The following TAPBPL variants were observed in gnomAD, a reference collection of about 807,000 sequenced individuals.
TAPBPL encodes the protein TAP binding protein like.
A neutral mutation model predicts 44.8 loss-of-function variants in TAPBPL; 32 were observed. The ratio of observed to expected loss-of-function variants is 0.71; its 90% CI spans 0.54 to 0.96. The LOEUF is 0.96. TAPBPL is among the 40% of genes least tolerant of loss of function. The pLI is 0.00. For synonymous variants in TAPBPL, 230 were observed against 240.7 expected (o/e 0.96, Z 0.41); for missense variants, 520 against 586.6 (o/e 0.89, Z 1.17).
chr12:6,471,064 T>G (rs1945764510), downstream of TAPBPL: 2 of 156,912 alleles, frequency 1.3e-5, no homozygotes, highest in South Asian at 3.2e-4. The surrounding 1 kb of genome is among the most constrained non-coding windows in gnomAD (Gnocchi z 4.0). Context: ...ACTCGCGCAT[T>G]CAGCTGGAGG....
Position 6,458,776 on chromosome 12 carries a change from CAA to C in TAPBPL, c.1037_1038del (p.Gln346ArgfsTer95), listed in dbSNP as rs762833284. On this transcript the variant is annotated frameshift_variant, in exon 5 of 7. Transcript: ENST00000266556. LOFTEE classifies it high-confidence loss of function. ...AGAGGAGCTGGGTGGATCCCCAGCC[CAA>C]GTCTCTGGTGCCTCCTTCTCCAGCC... The part of the protein sequence containing the change: ...TREELGGSPA[Q>X]VSGASFSSLR... 6.2e-7 allele frequency: 1 copy of C among 1,614,028 alleles called. No homozygotes were observed. The highest frequency in any genetic ancestry group is 1.3e-5 in the African/African-American group (1 of 74,914).
At chr12:6,467,213 GAA>G (rs1950044240), downstream of TAPBPL, 1 of 161,136 alleles carries the variant, frequency 6.2e-6, no homozygotes, top group Non-Finnish European at 1.3e-5. Flanking sequence ...GGGTGTTGCT[GAA>G]AAGATACCCA....
At chr12:6,457,211 G>C (rs191773191) in intron 3 of TAPBPL, among the ~76,000 whole-genome samples, 195 bp from the exon 4 acceptor site, 1 of 152,312 alleles carries the variant, frequency 6.6e-6, no homozygotes, top group African/African-American at 2.4e-5. Context: ...CCAAAATGGT[G>C]ATGGCCATCA....
intron 5 of TAPBPL, among the ~76,000 whole-genome samples, chr12:6,459,922 C>T (rs1282440182): frequency 1.3e-5 from 2 of 151,910 alleles, no homozygotes; most frequent in African/African-American, 2.4e-5. Flanking sequence ...AGGCGCGCAC[C>T]ACCACGCCTG....
chr12:6,465,916 A>G, downstream of TAPBPL: 1 of 1,614,254 alleles, frequency 6.2e-7, no homozygotes, highest in Non-Finnish European at 8.5e-7. Flanking sequence ...CCTGCCTGCA[A>G]GGCATCAGCT....
downstream of TAPBPL, chr12:6,465,416 A>ATACATATATATAAATGTATATATATG (rs1949991547): frequency 6.4e-5 from 6 of 93,482 alleles, 1 homozygote; most frequent in African/African-American, 3.2e-4. Context: ...ATATATATGT[A>ATACATATATATAAATGTATATATATG]TATATATATA....
At chr12:6,466,437 A>G, downstream of TAPBPL, 1 of 1,460,104 alleles carries the variant, frequency 6.8e-7, no homozygotes, top group Admixed American at 2.4e-5. Context: ...AGTCCCAGCT[A>G]CTCAAGAGGC....
downstream of TAPBPL, chr12:6,465,012 G>A: frequency 6.3e-7 from 1 of 1,599,364 alleles, no homozygotes; most frequent in Non-Finnish European, 8.5e-7. Context: ...TCTCTAGTGG[G>A]AAACAGAATT....
At chr12:6,470,128 C>G (rs1235291063), downstream of TAPBPL, among the ~76,000 whole-genome samples, 3 of 152,204 alleles carry the variant, frequency 2.0e-5, no homozygotes, top group Non-Finnish European at 4.4e-5. Context: ...GCACCCATGA[C>G]TGTCTTTCCT....
chr12:6,465,146 G>A (rs1188607254), downstream of TAPBPL: 8 of 666,536 alleles, frequency 1.2e-5, no homozygotes, highest in Non-Finnish European at 1.7e-5. Context: ...TAGCTTTTCA[G>A]ATTCATCACA....
Position 6,462,026 on chromosome 12 carries a change from C to T in TAPBPL, c.1292-8C>T, listed in dbSNP as rs1230777250. 6.2e-7 allele frequency: 1 copy of T among 1,608,562 alleles called. No homozygotes were observed. Among genetic ancestry groups the T allele is most frequent in the Non-Finnish European group, 8.5e-7 (1 of 1,176,364 alleles). ...ACGCAACTTCCTGTCTTCACTTCCT[C>T]TTACCAGCACCTACAGGACTTGGGC... On this transcript the variant is annotated splice_region_variant and splice_polypyrimidine_tract_variant and intron_variant, in intron 6 of 6. Coordinates refer to ENST00000266556, the MANE Select transcript of TAPBPL (RefSeq NM_018009.5).
intron 5 of TAPBPL, among the ~76,000 whole-genome samples, chr12:6,459,928 G>A (rs1293699325): frequency 2.6e-5 from 4 of 151,734 alleles, no homozygotes; most frequent in East Asian, 1.9e-4. Context: ...GCACCACCAC[G>A]CCTGGCTAAT....
the TAPBPL span, among the ~76,000 whole-genome samples, chr12:6,471,776 G>A: frequency 6.6e-6 from 1 of 151,898 alleles, no homozygotes; most frequent in Admixed American, 6.5e-5. This position sits in a 1 kb window ranked among gnomAD's most constrained non-coding sequence, Gnocchi z 4.0. Flanking sequence ...GCAGTGAGCC[G>A]AGATCACGCC....
intron 1 of TAPBPL, 178 bp downstream of exon 1, chr12:6,452,490 G>A (rs1451595137): frequency 2.8e-6 from 4 of 1,438,632 alleles, no homozygotes; most frequent in Non-Finnish European, 3.7e-6. Flanking sequence ...GTGTGTGGAG[G>A]GAGGGTGGGG....
In TAPBPL at chr12:6,453,295, C is replaced by T; in HGVS notation, c.293C>T (p.Ser98Leu). Residue 98 changes from serine to leucine, a missense_variant and splice_region_variant, in exon 2 of 7, where the codon TCA becomes TTA. By Grantham distance (145) the Ser-to-Leu change is moderately radical. Coordinates refer to ENST00000266556, the MANE Select transcript of TAPBPL (RefSeq NM_018009.5). This position sits in a 1 kb window ranked among gnomAD's most constrained non-coding sequence, Gnocchi z 4.8. The part of the protein sequence containing the change: ...QDDPPIIFEA[S>L]VDLVQIPQAE... ...GACCCACCTATTATCTTTGAGGCCT[C>T]AGGTAAAAGCCTTCCACCTGTGTCC... is the stretch of plus-strand genomic sequence containing the variant. 6.2e-7 allele frequency: 1 copy of T among 1,613,682 alleles called. No individual in the cohort carries two copies.
At chr12:6,462,840 G>A (rs71584837), downstream of TAPBPL, 7,113 of 1,606,292 alleles carry the variant, frequency 4.4e-3, 22 homozygotes, top group Non-Finnish European at 5.2e-3. Flanking sequence ...CTTCAGTCCC[G>A]CCCTTGGGCA....
At chr12:6,461,703 C>T (rs1308210798) in intron 6 of TAPBPL, among the ~76,000 whole-genome samples, 1 of 152,220 alleles carries the variant, frequency 6.6e-6, no homozygotes, top group African/African-American at 2.4e-5. Flanking sequence ...TCTGCTCCCT[C>T]GGGTGACTGC....
downstream of TAPBPL, chr12:6,465,191 G>A (rs569227430): frequency 6.1e-5 from 31 of 509,690 alleles, no homozygotes; most frequent in African/African-American, 3.2e-4. Context: ...CTTAGTTCCT[G>A]GTGTCTTGGG....
At chr12:6,469,581 T>G (rs1945715952), downstream of TAPBPL, among the ~76,000 whole-genome samples, 1 of 152,218 alleles carries the variant, frequency 6.6e-6, no homozygotes, top group African/African-American at 2.4e-5. Context: ...AACAGTAAAA[T>G]ATCTAGGGAT....
Sources: allele counts gnomAD v4.1 joint callset (sites outside exome capture counted in the v4.1 genomes callset), GRCh38; gene constraint gnomAD v4.1.1; non-coding constraint Gnocchi (gnomAD v3.1); transcripts MANE v1.5; gene names NCBI Gene and HGNC (gene_info 2026-07-23, HGNC 2026-07-21).